STXBP5L: variants seen among roughly 807,000 people sequenced by gnomAD.
STXBP5L encodes the protein syntaxin-binding protein 5-like.
In STXBP5L, 65 loss-of-function variants were observed where a neutral mutation model predicts 144.5. The ratio of observed to expected loss-of-function variants is 0.45; its 90% CI spans 0.37 to 0.55. The LOEUF is 0.55. STXBP5L is among the 20% of genes least tolerant of loss of function. STXBP5L has a pLI of 0.00. For synonymous variants in STXBP5L, 505 were observed against 469.6 expected (o/e 1.08, Z -0.97); for missense variants, 1,298 against 1,405.5 (o/e 0.92, Z 1.22).
intron 9 of STXBP5L, among the ~76,000 whole-genome samples, chr3:121,195,560 T>A (rs2047889437): frequency 6.6e-6 from 1 of 152,330 alleles, no homozygotes; most frequent in South Asian, 2.1e-4. Context: ...TAGCATAATA[T>A]CCTCCAGGTT....
chr3:120,989,663 T>C (rs769393299), intron 3 of STXBP5L, among the ~76,000 whole-genome samples: 4 of 152,178 alleles, frequency 2.6e-5, no homozygotes, highest in Admixed American at 6.6e-5. Context: ...TCTTTCCCGC[T>C]CTACTAGTTT....
At chr3:121,173,011 T>C (rs569910426) in intron 9 of STXBP5L, among the ~76,000 whole-genome samples, 1 of 152,268 alleles carries the variant, frequency 6.6e-6, no homozygotes, top group Non-Finnish European at 1.5e-5. Context: ...TAAAAAAGGA[T>C]GAGTTCATGT....
chr3:120,949,228 C>A (rs1384821497), intron 2 of STXBP5L, among the ~76,000 whole-genome samples: 1 of 151,724 alleles, frequency 6.6e-6, no homozygotes, highest in East Asian at 1.9e-4. Flanking sequence ...CTATTCATGT[C>A]CTTTGCCCAA....
chr3:121,387,065 T>C lies in STXBP5L; in HGVS notation c.2587+5533T>C, dbSNP rs570816269. Reference sequence around the variant, plus strand: ...ATTTTTCCGCATCCTCTCCAGCATCTGTTGTTTCCTGACTTTTTAATGATT... The same window carrying C: ...ATTTTTCCGCATCCTCTCCAGCATCCGTTGTTTCCTGACTTTTTAATGATT... On this transcript the variant is annotated intron_variant, in intron 22 of 26. Transcript: ENST00000471454. 2.1e-4 allele frequency among the ~76,000 whole-genome samples: 32 copies of C among 152,344 alleles called. No individual in the cohort carries two copies. The South Asian group carries it at 5.8e-3, about 28-fold the overall frequency.
chr3:121,334,018 T>G (rs2108565149), intron 20 of STXBP5L, among the ~76,000 whole-genome samples: 1 of 152,242 alleles, frequency 6.6e-6, no homozygotes, highest in Non-Finnish European at 1.5e-5. Flanking sequence ...CATACTGCTC[T>G]CGTGGGGAGC....
intron 24 of STXBP5L, among the ~76,000 whole-genome samples, chr3:121,414,318 A>G (rs2047185737): frequency 2.0e-5 from 3 of 152,152 alleles, no homozygotes; most frequent in Admixed American, 2.0e-4. Context: ...GAGACATATA[A>G]GAAGGACACC....
intron 3 of STXBP5L, among the ~76,000 whole-genome samples, chr3:120,984,992 G>C (rs916224131): frequency 6.6e-6 from 1 of 151,878 alleles, no homozygotes; most frequent in Non-Finnish European, 1.5e-5. Context: ...AACAATTCTT[G>C]CATCTCAGGA....
At chr3:121,096,383 A>G (rs2107760350) in intron 5 of STXBP5L, among the ~76,000 whole-genome samples, 1 of 152,186 alleles carries the variant, frequency 6.6e-6, no homozygotes, top group South Asian at 2.1e-4. Flanking sequence ...TTCTCCATCT[A>G]GTTTTATTCT....
intron 5 of STXBP5L, among the ~76,000 whole-genome samples, chr3:121,094,279 C>T (rs1032219220): frequency 6.6e-6 from 1 of 152,096 alleles, no homozygotes; most frequent in Non-Finnish European, 1.5e-5. Context: ...CTGTAGATGT[C>T]TATTAGGTCC....
At chr3:121,046,607 A>T (rs1436525602) in intron 5 of STXBP5L, among the ~76,000 whole-genome samples, 1 of 152,038 alleles carries the variant, frequency 6.6e-6, no homozygotes, top group East Asian at 1.9e-4. Flanking sequence ...TGTTTCCAGG[A>T]ATGTATTCAT....
intron 3 of STXBP5L, among the ~76,000 whole-genome samples, chr3:120,990,681 T>G (rs1368058946): frequency 6.6e-6 from 1 of 151,802 alleles, no homozygotes; most frequent in Non-Finnish European, 1.5e-5. Context: ...TGCCGGATAT[T>G]TACAACTATC....
chr3:120,990,809 C>T (rs1942774043), intron 3 of STXBP5L, among the ~76,000 whole-genome samples: 1 of 152,198 alleles, frequency 6.6e-6, no homozygotes, highest in South Asian at 2.1e-4. Flanking sequence ...CCCTTCCTTA[C>T]ACGTTATACA....
At chr3:121,184,324 T>G (rs1408879305) in intron 9 of STXBP5L, among the ~76,000 whole-genome samples, 2 of 142,314 alleles carry the variant, frequency 1.4e-5, no homozygotes, top group Admixed American at 1.4e-4. Context: ...TTGAAAAAAG[T>G]TAGAGAAATT....
chr3:121,377,955 G>T (rs914105717), intron 20 of STXBP5L, among the ~76,000 whole-genome samples: 1 of 152,144 alleles, frequency 6.6e-6, no homozygotes, highest in African/African-American at 2.4e-5. Flanking sequence ...ATAAAGAAAT[G>T]TGGCACATAT....
chr3:121,190,264 C>A (rs532760212), intron 9 of STXBP5L, among the ~76,000 whole-genome samples: 13 of 152,220 alleles, frequency 8.5e-5, no homozygotes, highest in Non-Finnish European at 1.9e-4. Flanking sequence ...TGACTCTTAG[C>A]GAGCACGCTG....
chr3:121,291,312 A>G (rs1402105495), intron 19 of STXBP5L, among the ~76,000 whole-genome samples: 1 of 152,010 alleles, frequency 6.6e-6, no homozygotes, highest in Non-Finnish European at 1.5e-5. Flanking sequence ...AGCTGTAAAA[A>G]AAATAAAATA....
At chr3:121,156,497 T>G (rs1036719397) in intron 8 of STXBP5L, among the ~76,000 whole-genome samples, 1 of 152,002 alleles carries the variant, frequency 6.6e-6, no homozygotes, top group Non-Finnish European at 1.5e-5. Flanking sequence ...GTTCTGTATG[T>G]ACTTTATTAA....
chr3:121,053,354 A>C (rs552852911), intron 5 of STXBP5L, among the ~76,000 whole-genome samples: 7 of 152,326 alleles, frequency 4.6e-5, no homozygotes, highest in African/African-American at 1.7e-4. Flanking sequence ...CTACAAGGCT[A>C]CAGTAACCAA....
At chr3:121,200,603 G>A (rs1437020449) in intron 9 of STXBP5L, among the ~76,000 whole-genome samples, 1 of 151,972 alleles carries the variant, frequency 6.6e-6, no homozygotes, top group Non-Finnish European at 1.5e-5. Flanking sequence ...CTTGCTTTCT[G>A]ATGTGAGCAT....
Sources: allele counts gnomAD v4.1 joint callset (sites outside exome capture counted in the v4.1 genomes callset), GRCh38; gene constraint gnomAD v4.1.1; transcripts MANE v1.5; gene names NCBI Gene and HGNC (gene_info 2026-07-23, HGNC 2026-07-21).